The following BAZ1A variants were observed in gnomAD, a reference collection of about 807,000 sequenced individuals.
BAZ1A encodes the protein bromodomain adjacent to zinc finger domain 1A.
BAZ1A carries 50 observed loss-of-function variants against 185.2 expected under a neutral mutation model. That is an observed-to-expected ratio of 0.27 (90% CI 0.22 to 0.34). BAZ1A has a LOEUF of 0.34. BAZ1A is among the 10% of genes least tolerant of loss of function. The pLI is 1.00. For missense variants in BAZ1A, 1,356 were observed against 1,839.9 expected (o/e 0.74, Z 4.81); for synonymous variants, 571 against 615.6 (o/e 0.93, Z 1.07).
chr14:34,773,345 TATC>T (rs981378495), intron 20 of BAZ1A, among the ~76,000 whole-genome samples: 2 of 152,076 alleles, frequency 1.3e-5, no homozygotes, highest in African/African-American at 4.8e-5. Context: ...TTTAAGAAAT[TATC>T]ATTATTCGAA....
intron 3 of BAZ1A, among the ~76,000 whole-genome samples, chr14:34,833,684 G>A (rs1205637381): frequency 6.6e-6 from 1 of 152,158 alleles, no homozygotes; most frequent in Non-Finnish European, 1.5e-5. Context: ...ACCAGAAGCT[G>A]GGGGAAGGAT....
chr14:34,809,233 T>C (rs2041894175), intron 5 of BAZ1A, among the ~76,000 whole-genome samples: 1 of 152,198 alleles, frequency 6.6e-6, no homozygotes, highest in South Asian at 2.1e-4. Flanking sequence ...ATTCTTTTCC[T>C]AGACTTAAAG....
intron 21 of BAZ1A, among the ~76,000 whole-genome samples, chr14:34,770,134 AATGAG>A (rs1879112368): frequency 6.6e-6 from 1 of 152,118 alleles, no homozygotes; most frequent in Non-Finnish European, 1.5e-5. Context: ...TTGTTCTAAT[AATGAG>A]ATATCAAAAA....
chr14:34,827,303 T>C (rs1332839600), intron 3 of BAZ1A, among the ~76,000 whole-genome samples: 1 of 152,224 alleles, frequency 6.6e-6, no homozygotes, highest in Non-Finnish European at 1.5e-5. Flanking sequence ...TGATTTATTG[T>C]GTTGTTCAGA....
chr14:34,874,203 A>G lies in BAZ1A; in HGVS notation c.113+289T>C, dbSNP rs4313721. On this transcript the variant is annotated intron_variant, in intron 2 of 26. Coordinates refer to ENST00000360310, the MANE Select transcript of BAZ1A (RefSeq NM_013448.3). The surrounding 1 kb of genome is among the most constrained non-coding windows in gnomAD (Gnocchi z 4.7). Reference sequence around the variant, plus strand: ...GGGAGTTTCCGCCGCCCCGCGGCCAAGAGGGCGGGAGGGCGACAGCAGCGG... The same window carrying G: ...GGGAGTTTCCGCCGCCCCGCGGCCAGGAGGGCGGGAGGGCGACAGCAGCGG... 0.73 allele frequency: 225,048 copies of G among 310,392 alleles called. 82,822 individuals carry two copies. The highest frequency in any genetic ancestry group is 0.78 in the Non-Finnish European group (129,285 of 166,460). 19.2% of individuals were successfully genotyped at this position (310,392 alleles called of 1,614,324 possible).
At chr14:34,827,006 C>A (rs1470456835) in intron 3 of BAZ1A, among the ~76,000 whole-genome samples, 2 of 152,186 alleles carry the variant, frequency 1.3e-5, no homozygotes, top group African/African-American at 4.8e-5. Context: ...ACATCAACAA[C>A]TCCAGGTCCA....
At position 34,753,832 on chromosome 14, in the gene BAZ1A, ACT is replaced by A. The variant is rs111956321; in HGVS notation, c.4475-130_4475-129del. 51 of 789,664 alleles carry A rather than the reference ACT, an allele frequency of 6.5e-5. No homozygotes were observed. The African/African-American group carries it at 8.3e-4, about 13-fold the overall frequency. The allele number at this position is 789,664 out of a possible 1,614,324, so 48.9% of individuals were successfully genotyped here. On this transcript the variant is annotated intron_variant, in intron 26 of 26. Coordinates refer to ENST00000360310, the MANE Select transcript of BAZ1A (RefSeq NM_013448.3). ...CCACTTTTTTCTTTAGAAAGAGAAG[ACT>A]CTGGCTAGGCATGGTGGCTCACATC...
rs563006188 is a variant in BAZ1A, at chr14:34,803,921, C to G, written c.727-933G>C. Among the ~76,000 whole-genome samples the G allele has an allele frequency of 7.2e-5, 11 of 152,228 alleles. No homozygotes were observed. In the South Asian group the frequency reaches 2.1e-3, roughly 29 times the overall value. On this transcript the variant is annotated intron_variant, in intron 6 of 26. Coordinates refer to ENST00000360310, the MANE Select transcript of BAZ1A (RefSeq NM_013448.3). ...CATTCTTGCCAGAAATGGTGTGGTT[C>G]TAGAATAATTATTAAATCCAAGAGT...
At chr14:34,873,899 G>A (rs936142548) in intron 2 of BAZ1A, among the ~76,000 whole-genome samples, 1 of 152,156 alleles carries the variant, frequency 6.6e-6, no homozygotes, top group Non-Finnish European at 1.5e-5. Context: ...TCCACCCCTG[G>A]CCCGTAGGGA....
intron 21 of BAZ1A, among the ~76,000 whole-genome samples, chr14:34,765,807 A>G (rs1452836587): frequency 6.6e-6 from 1 of 152,204 alleles, no homozygotes; most frequent in African/African-American, 2.4e-5. Flanking sequence ...TAACATCACC[A>G]TTCTTTATCT....
At chr14:34,866,449 T>C (rs528986224) in intron 2 of BAZ1A, among the ~76,000 whole-genome samples, 6 of 126,766 alleles carry the variant, frequency 4.7e-5, no homozygotes, top group South Asian at 2.5e-4. Context: ...GATCGCACCA[T>C]TGCACTCTAG....
In BAZ1A at chr14:34,874,667, C is replaced by T; in HGVS notation, c.-58-5G>A. 1 of 1,418,968 alleles carries T rather than the reference C, an allele frequency of 7.0e-7. No individual in the cohort carries two copies. Among genetic ancestry groups the T allele is most frequent in the African/African-American group, 1.5e-5 (1 of 68,418 alleles). 87.9% of individuals were successfully genotyped at this position (1,418,968 alleles called of 1,614,324 possible). A position where few individuals can be genotyped will look rare whatever the true frequency, so the allele number is the denominator to read the frequency against. Reference sequence around the variant, plus strand: ...GCCCGCGCCGGCCCCGCTTCCCTATCAAAATTGGAGGGAAAGGAAAGCCGG... The same window carrying T: ...GCCCGCGCCGGCCCCGCTTCCCTATTAAAATTGGAGGGAAAGGAAAGCCGG... On this transcript the variant is annotated splice_region_variant and splice_polypyrimidine_tract_variant and intron_variant, in intron 1 of 26. Coordinates refer to ENST00000360310, the MANE Select transcript of BAZ1A (RefSeq NM_013448.3). This position sits in a 1 kb window ranked among gnomAD's most constrained non-coding sequence, Gnocchi z 4.7.
chr14:34,762,062 C>T lies in BAZ1A; in HGVS notation c.3938G>A (p.Arg1313Lys). The T allele has an allele frequency of 6.2e-7, 1 of 1,614,166 alleles. No homozygotes were observed. The highest frequency in any genetic ancestry group is 8.5e-7 in the Non-Finnish European group (1 of 1,180,032). The change falls in exon 24 of 27, where the codon AGA becomes AAA. Residue 1313 changes from arginine (R) to lysine (K), a missense_variant. Physicochemically the swap from Arg to Lys is conservative, Grantham distance 26. Coordinates refer to ENST00000360310, the MANE Select transcript of BAZ1A (RefSeq NM_013448.3). ...AGCAGAGTTTATCTTTCTTAGGCTT[C>T]TACCAGTTTTAGAAGAAACAGTTGT... Reference protein sequence around the residue: ...PKTTVSSKTGRSLRKINSAPP... With the variant: ...PKTTVSSKTGKSLRKINSAPP...
chr14:34,847,794 T>C (rs1467168214), intron 3 of BAZ1A, among the ~76,000 whole-genome samples: 1 of 152,158 alleles, frequency 6.6e-6, no homozygotes, highest in African/African-American at 2.4e-5. Context: ...AAAAAATCAA[T>C]TTTCTCATTT....
At chr14:34,862,895 G>A (rs574516396) in intron 2 of BAZ1A, among the ~76,000 whole-genome samples, 2 of 151,702 alleles carry the variant, frequency 1.3e-5, no homozygotes, top group Admixed American at 1.3e-4. Context: ...GTAGTGATAA[G>A]ACTGGGGAAC....
chr14:34,872,668 G>C (rs2042967451), intron 2 of BAZ1A, among the ~76,000 whole-genome samples: 1 of 152,084 alleles, frequency 6.6e-6, no homozygotes, highest in Non-Finnish European at 1.5e-5. Context: ...CTGTATTTCA[G>C]CAATTCAGAT....
At chr14:34,764,623 C>T (rs1232541657) in intron 23 of BAZ1A, 84 bp downstream of exon 23, 4 of 1,509,974 alleles carry the variant, frequency 2.6e-6, no homozygotes, top group Admixed American at 2.0e-5. Context: ...GTTACAGACC[C>T]TAACTATTCC....
chr14:34,848,360 C>T (rs570607030), intron 3 of BAZ1A, among the ~76,000 whole-genome samples: 30 of 152,024 alleles, frequency 2.0e-4, no homozygotes, highest in Admixed American at 1.7e-3. Context: ...AATCCCAGAA[C>T]TTTGAGAGGC....
intron 19 of BAZ1A, 145 bp downstream of exon 19, chr14:34,774,182 A>C: frequency 1.7e-6 from 1 of 594,144 alleles, no homozygotes; most frequent in Non-Finnish European, 2.7e-6. Flanking sequence ...GCAGGGGAAT[A>C]AACTTAAGTT....
Sources: gnomAD v4.1 joint callset for allele counts (sites outside exome capture counted in the v4.1 genomes callset) on GRCh38, gnomAD v4.1.1 for gene constraint, Gnocchi (gnomAD v3.1) non-coding constraint, MANE v1.5 for transcripts, NCBI Gene and HGNC (gene_info 2026-07-23, HGNC 2026-07-21) for gene names.